The following STRBP variants were observed in gnomAD, a reference collection of about 807,000 sequenced individuals.
STRBP encodes spermatid perinuclear RNA binding protein.
A neutral mutation model predicts 80.1 loss-of-function variants in STRBP; 13 were observed. That is an observed-to-expected ratio of 0.16 (90% CI 0.11 to 0.26). The LOEUF (loss-of-function observed/expected upper bound fraction) is 0.26. Ranked by LOEUF, STRBP falls within the 10% of genes least tolerant of loss-of-function variation. The probability of loss-of-function intolerance (pLI) is 1.00; values close to 1 mark genes in which losing one functional copy is unlikely to be tolerated. For missense variants in STRBP, 485 were observed against 815.2 expected (o/e 0.59, Z 4.93); for synonymous variants, 284 against 291.2 (o/e 0.98, Z 0.25).
chr9:123,145,605 C>A (rs2036778565), intron 13 of STRBP, among the ~76,000 whole-genome samples: 1 of 152,190 alleles, frequency 6.6e-6, no homozygotes, highest in Non-Finnish European at 1.5e-5. Flanking sequence ...CTCTCATAAC[C>A]AAACTCTCTG....
At position 123,139,646 on chromosome 9, in the gene STRBP, A is replaced by G. The variant is rs1319023705; in HGVS notation, c.1380T>C (p.Asp460=). ...AMGYPTGFDA[D]IECMSSDEKS... is the part of the protein sequence containing the mutation. ...TTTCATCGGAACTCATACATTCAAT[A>G]TCTGCATCAAAGCCTGTTGGATATC... Residue 460 remains aspartate (D), a synonymous_variant, in exon 14 of 19, where the codon GAT becomes GAC. Coordinates refer to ENST00000348403, the MANE Select transcript of STRBP (RefSeq NM_018387.5). The G allele has an allele frequency of 6.2e-7, 1 of 1,612,662 alleles. No homozygotes were observed. The highest frequency in any genetic ancestry group is 1.1e-5 in the South Asian group (1 of 90,778).
intron 1 of STRBP, among the ~76,000 whole-genome samples, chr9:123,238,339 T>A (rs985017897): frequency 6.6e-6 from 1 of 152,250 alleles, no homozygotes; most frequent in Admixed American, 6.5e-5. Flanking sequence ...GGTGATCACG[T>A]ATCAATAAGG....
intron 13 of STRBP, among the ~76,000 whole-genome samples, chr9:123,146,029 C>T (rs747909934): frequency 3.3e-5 from 5 of 150,718 alleles, no homozygotes; most frequent in Non-Finnish European, 7.4e-5. Context: ...TCCCCAGTAT[C>T]TAGGATGGTG....
At chr9:123,199,429 A>G (rs1027511879) in intron 2 of STRBP, among the ~76,000 whole-genome samples, 7 of 152,150 alleles carry the variant, frequency 4.6e-5, no homozygotes, top group African/African-American at 1.7e-4. Flanking sequence ...TGATGTTGGT[A>G]TTTTGATGGG....
intron 2 of STRBP, among the ~76,000 whole-genome samples, chr9:123,198,217 C>T (rs971453985): frequency 7.2e-5 from 11 of 152,150 alleles, no homozygotes; most frequent in African/African-American, 2.4e-4. Context: ...CTCAGCTCAC[C>T]GCAATCTCCA....
intron 4 of STRBP, 92 bp from the exon 5 acceptor site, chr9:123,173,934 T>G: frequency 7.4e-7 from 1 of 1,345,432 alleles, no homozygotes; most frequent in South Asian, 1.5e-5. Flanking sequence ...TCTTACAAAC[T>G]GATAAGGGAG....
chr9:123,126,957 G>C lies in STRBP; in HGVS notation c.1942+1257C>G, dbSNP rs116218305. ...AGGAAACCTGCGTAAGCTTATTATT[G>C]CATTAGTCTCCAATTCCTAGTTACC... On this transcript the variant is annotated intron_variant, in intron 18 of 18. Transcript: ENST00000348403. This position sits in a 1 kb window ranked among gnomAD's most constrained non-coding sequence, Gnocchi z 4.4. Among the ~76,000 whole-genome samples, 439 of 152,272 alleles carry C rather than the reference G, an allele frequency of 2.9e-3. No homozygotes were observed. Among genetic ancestry groups the C allele is most frequent in the African/African-American group, 9.2e-3 (381 of 41,552 alleles).
chr9:123,139,279 T>A (rs548741672), intron 14 of STRBP, among the ~76,000 whole-genome samples: 3 of 152,318 alleles, frequency 2.0e-5, no homozygotes, highest in Non-Finnish European at 4.4e-5. Flanking sequence ...ATTCAAGTGT[T>A]GTGCAGTTTA....
In STRBP at chr9:123,179,041, C is replaced by G; in HGVS notation, c.190G>C (p.Val64Leu). ...KGTKTEGETEVKKDEAGENYS... is the reference protein window; with the variant it reads ...KGTKTEGETELKKDEAGENYS... Reference sequence around the variant, plus strand: ...TTTTCTCCGGCCTCATCTTTCTTCACTTCTGTCTCACCCTCTGTTTTTGTG... The same window carrying G: ...TTTTCTCCGGCCTCATCTTTCTTCAGTTCTGTCTCACCCTCTGTTTTTGTG... The change falls in exon 4 of 19, where the codon GTG becomes CTG. Residue 64 changes from valine to leucine, a missense_variant. Physicochemically the swap from Val to Leu is conservative, Grantham distance 32. Transcript: ENST00000348403. 1 of 1,614,164 alleles carries G rather than the reference C, an allele frequency of 6.2e-7. No homozygotes were observed. The highest frequency in any genetic ancestry group is 8.5e-7 in the Non-Finnish European group (1 of 1,180,002).
chr9:123,148,683 C>A (rs1384850257), intron 11 of STRBP, among the ~76,000 whole-genome samples: 1 of 152,136 alleles, frequency 6.6e-6, no homozygotes, highest in Admixed American at 6.5e-5. Context: ...CTCTTCAAAT[C>A]CTATTCAAAA....
At chr9:123,187,882 T>C (rs561615224) in intron 2 of STRBP, among the ~76,000 whole-genome samples, 11 of 152,068 alleles carry the variant, frequency 7.2e-5, no homozygotes, top group Non-Finnish European at 1.6e-4. Flanking sequence ...CTAAAGTTCA[T>C]AGTTTACATT....
At position 123,207,640 on chromosome 9, in the gene STRBP, G is replaced by A. The variant is rs1966420; in HGVS notation, c.-164-23342C>T. Among the ~76,000 whole-genome samples the A allele has an allele frequency of 1.6e-3, 242 of 152,144 alleles. 3 individuals carry two copies. The highest frequency in any genetic ancestry group is 0.013 in the Admixed American group (204 of 15,284). On this transcript the variant is annotated intron_variant, in intron 2 of 18. Coordinates refer to ENST00000348403, the MANE Select transcript of STRBP (RefSeq NM_018387.5). ...CGGAGAAATACCTAATGTACATGAC[G>A]GGTCGATGGGTGCAGCAAACCACCA...
chr9:123,137,609 C>T (rs913073068), intron 14 of STRBP, among the ~76,000 whole-genome samples: 21 of 152,004 alleles, frequency 1.4e-4, no homozygotes, highest in African/African-American at 4.6e-4. Context: ...GGTATCGCCA[C>T]GTTGGCCAGG....
At chr9:123,245,582 T>G (rs2040784277) in intron 1 of STRBP, among the ~76,000 whole-genome samples, 1 of 152,070 alleles carries the variant, frequency 6.6e-6, no homozygotes, top group Non-Finnish European at 1.5e-5. Context: ...GGGGTTTCAC[T>G]GTGTTAGCCA....
chr9:123,173,698 A>G lies in STRBP; in HGVS notation c.369T>C (p.Asp123=), dbSNP rs1238836483. The change falls in exon 5 of 19, where the codon GAT becomes GAC. Residue 123 remains aspartate (D), a synonymous_variant. Coordinates refer to ENST00000348403, the MANE Select transcript of STRBP (RefSeq NM_018387.5). The part of the protein sequence containing the change: ...PTETLLNTVK[D]NLPIQIQKLT... The stretch of plus-strand genomic sequence containing the variant: ...TCACCTGAATCTGAATAGGAAGATT[A>G]TCTTTGACTGTATTTAACAGGGTCT... 69 of 1,612,828 alleles carry G rather than the reference A, an allele frequency of 4.3e-5. No homozygotes were observed. Among genetic ancestry groups the G allele is most frequent in the Non-Finnish European group, 5.6e-5 (66 of 1,179,666 alleles).
intron 3 of STRBP, chr9:123,113,308 C>G (rs1208782151): frequency 1.2e-5 from 2 of 167,330 alleles, no homozygotes; most frequent in Non-Finnish European, 2.9e-5. Context: ...CCTCCTGGTC[C>G]TTTACGAGCA....
intron 2 of STRBP, among the ~76,000 whole-genome samples, chr9:123,185,400 C>T (rs1377170047): frequency 2.0e-5 from 3 of 152,016 alleles, no homozygotes; most frequent in Admixed American, 6.6e-5. Flanking sequence ...TACCCTATCT[C>T]TTTAAAAAAA....
At chr9:123,128,193 T>C (rs764035698) in intron 18 of STRBP, 21 bp downstream of exon 18, 5 of 1,613,870 alleles carry the variant, frequency 3.1e-6, no homozygotes, top group Non-Finnish European at 4.2e-6. Flanking sequence ...AGAGGAGATA[T>C]CAGTAAGATG....
At chr9:123,147,695 A>C (rs951561537) in intron 12 of STRBP, 83 bp downstream of exon 12, 8 of 1,160,884 alleles carry the variant, frequency 6.9e-6, no homozygotes, top group African/African-American at 1.6e-5. Flanking sequence ...AAAAAAAAAA[A>C]AAAACCCTTC....
Sources: allele counts gnomAD v4.1 joint callset (sites outside exome capture counted in the v4.1 genomes callset), GRCh38; gene constraint gnomAD v4.1.1; non-coding constraint Gnocchi (gnomAD v3.1); transcripts MANE v1.5; gene names NCBI Gene and HGNC (gene_info 2026-07-23, HGNC 2026-07-21).